FANCD2: variants seen among roughly 807,000 people sequenced by gnomAD.
The protein encoded by FANCD2 is Fanconi anemia group D2 protein.
FANCD2 carries 131 observed loss-of-function variants against 192.3 expected under a neutral mutation model. The observed-to-expected ratio is 0.68, with a 90% confidence interval of 0.59 to 0.79. The LOEUF is 0.79. FANCD2 is among the 30% of genes least tolerant of loss of function. The probability of loss-of-function intolerance (pLI) is 0.00; values close to 1 mark genes in which losing one functional copy is unlikely to be tolerated. For synonymous variants in FANCD2, 524 were observed against 612.5 expected (o/e 0.86, Z 2.13); for missense variants, 1,508 against 1,701.6 (o/e 0.89, Z 2.00).
intron 29 of FANCD2, 48 bp from the exon 30 acceptor site, chr3:10,078,033 G>A: frequency 7.8e-7 from 1 of 1,278,020 alleles, no homozygotes; most frequent in South Asian, 1.2e-5. Context: ...AAATTATCAT[G>A]AAATGACTAG....
At chr3:10,042,490 T>G (rs774919370) in intron 10 of FANCD2, 69 bp from the exon 11 acceptor site, 2 of 1,206,468 alleles carry the variant, frequency 1.7e-6, no homozygotes, top group Non-Finnish European at 2.5e-6. Flanking sequence ...TAATTTTATC[T>G]AACAGTTCAG....
intron 42 of FANCD2, among the ~76,000 whole-genome samples, chr3:10,096,831 A>AT (rs966722004): frequency 1.3e-5 from 2 of 151,948 alleles, no homozygotes; most frequent in Admixed American, 6.6e-5. Flanking sequence ...TTCTTTTGTT[A>AT]TTTTTTTTCC....
At chr3:10,081,516 G>A (rs1176543357) in intron 32 of FANCD2, 52 bp downstream of exon 32, 2 of 1,214,222 alleles carry the variant, frequency 1.6e-6, no homozygotes, top group Non-Finnish European at 2.5e-6. Context: ...GCTTTTATTT[G>A]ACAGTCACCA....
intron 9 of FANCD2, 167 bp downstream of exon 9, chr3:10,040,012 T>A: frequency 1.5e-6 from 1 of 685,060 alleles, no homozygotes; most frequent in Non-Finnish European, 2.4e-6. Flanking sequence ...AGGTATATAT[T>A]TGAATAGATC....
Position 10,098,824 on chromosome 3 carries a change from A to G in FANCD2, c.4281+9A>G, listed in dbSNP as rs1402751853. 8 of 1,614,072 alleles carry G rather than the reference A, an allele frequency of 5.0e-6. No individual in the cohort carries two copies. The South Asian group carries it at 5.5e-5, about 11-fold the overall frequency. On this transcript the variant is annotated intron_variant, in intron 43 of 43. Coordinates refer to ENST00000675286, the MANE Select transcript of FANCD2 (RefSeq NM_001018115.3). ...AGAGCAAAGCCACTGAGGTATCTCTACAAAACCCACCAGAGTCTGGCACTG... is the reference window on the plus strand; with the variant it reads ...AGAGCAAAGCCACTGAGGTATCTCTGCAAAACCCACCAGAGTCTGGCACTG...
intron 18 of FANCD2, among the ~76,000 whole-genome samples, chr3:10,054,473 ATTTTTTTTTT>A (rs55719769): frequency 2.4e-4 from 2 of 8,392 alleles, no homozygotes; most frequent in African/African-American, 7.0e-4. Flanking sequence ...ATATATATAT[ATTTTTTTTTT>A]TTTTTTTTTT....
chr3:10,078,079 A>G lies in FANCD2; in HGVS notation c.2860-2A>G. 2 of 1,591,882 alleles carry G rather than the reference A, an allele frequency of 1.3e-6. No homozygotes were observed. Among genetic ancestry groups the G allele is most frequent in the Non-Finnish European group, 1.7e-6 (2 of 1,159,986 alleles). On this transcript the variant is annotated splice_acceptor_variant, in intron 29 of 43. Coordinates refer to ENST00000675286, the MANE Select transcript of FANCD2 (RefSeq NM_001018115.3). LOFTEE classifies it high-confidence loss of function. ...GAACTAATCCTTTCCTCCATGTGACAGGCTACAGAAGTTGTGCAACTTGGG... is the reference window on the plus strand; with the variant it reads ...GAACTAATCCTTTCCTCCATGTGACGGGCTACAGAAGTTGTGCAACTTGGG...
chr3:10,080,847 A>G (rs769171665), intron 30 of FANCD2, among the ~76,000 whole-genome samples: 1 of 152,172 alleles, frequency 6.6e-6, no homozygotes, highest in Non-Finnish European at 1.5e-5. Flanking sequence ...TGTGACCTTT[A>G]TCTGATTAGT....
intron 28 of FANCD2, among the ~76,000 whole-genome samples, chr3:10,073,728 G>T (rs1027464483): frequency 2.0e-5 from 3 of 152,114 alleles, no homozygotes; most frequent in Admixed American, 6.6e-5. Flanking sequence ...GGGCCACATG[G>T]ATCCCAATTA....
rs756202265 is a variant in FANCD2, at chr3:10,087,220, T to C, written c.3422T>C (p.Ile1141Thr). The C allele has an allele frequency of 1.9e-6, 3 of 1,613,774 alleles. No individual in the cohort carries two copies. Among genetic ancestry groups the C allele is most frequent in the African/African-American group, 2.7e-5 (2 of 74,888 alleles). The change falls in exon 34 of 44, where the codon ATT (isoleucine) becomes ACT (threonine). Residue 1141 changes from isoleucine (I) to threonine (T), a missense_variant. By Grantham distance (89) the Ile-to-Thr change is moderately conservative. This residue lies in a region of FANCD2 where 796 missense variants were observed against 879.4 expected (regional missense o/e 0.91). Coordinates refer to ENST00000675286, the MANE Select transcript of FANCD2 (RefSeq NM_001018115.3). ...ALYLIRLLMV[I>T]LEKSTASAQN... Reference sequence around the variant, plus strand: ...TATCTCATCAGACTTTTGATGGTTATTTTGGAGAAATCAACAGCTTCTGCT... The same window carrying C: ...TATCTCATCAGACTTTTGATGGTTACTTTGGAGAAATCAACAGCTTCTGCT...
At chr3:10,081,297 ATGAGGACAATTAC>A in intron 31 of FANCD2, 36 bp from the exon 32 acceptor site, 1 of 1,612,200 alleles carries the variant, frequency 6.2e-7, no homozygotes, top group South Asian at 1.1e-5. Context: ...AAAAAGGAAA[ATGAGGACAATTAC>A]TGAAGCAACT....
chr3:10,094,162 TC>T, intron 39 of FANCD2, 126 bp from the exon 40 acceptor site: 1 of 731,512 alleles, frequency 1.4e-6, no homozygotes, highest in South Asian at 1.6e-5. Flanking sequence ...TTTGGACCCT[TC>T]CCAATTTGTT....
At chr3:10,080,976 A>G (rs955718703) in intron 30 of FANCD2, 124 bp from the exon 31 acceptor site, 1 of 1,023,764 alleles carries the variant, frequency 9.8e-7, no homozygotes, top group Non-Finnish European at 1.5e-6. Context: ...TCTTAGGTTA[A>G]CAACTCATTT....
chr3:10,054,471 ATATTTTTTTTTTTTT>A (rs1455798506), intron 18 of FANCD2, among the ~76,000 whole-genome samples: 3 of 16,666 alleles, frequency 1.8e-4, no homozygotes, highest in African/African-American at 3.2e-4. Flanking sequence ...ATATATATAT[ATATTTTTTTTTTTTT>A]TTTTTTTTTT....
At chr3:10,036,454 C>T (rs1235365556) in intron 7 of FANCD2, 115 bp downstream of exon 7, 4 of 767,028 alleles carry the variant, frequency 5.2e-6, no homozygotes, top group Non-Finnish European at 8.8e-6. Context: ...CATTATATTT[C>T]TTAAGTGACT....
intron 16 of FANCD2, among the ~76,000 whole-genome samples, chr3:10,048,389 C>T (rs1221323231): frequency 6.6e-6 from 1 of 151,016 alleles, no homozygotes; most frequent in African/African-American, 2.4e-5. Context: ...CTGCAACCTT[C>T]ACCTCCTGGG....
At chr3:10,080,029 C>G (rs1325452018) in intron 30 of FANCD2, among the ~76,000 whole-genome samples, 2 of 151,598 alleles carry the variant, frequency 1.3e-5, no homozygotes, top group Non-Finnish European at 2.9e-5. Context: ...ATTCTCCTGC[C>G]TCAGCCTCCC....
At chr3:10,028,103 C>T (rs34909440) in intron 1 of FANCD2, among the ~76,000 whole-genome samples, 205 of 151,214 alleles carry the variant, frequency 1.4e-3, no homozygotes, top group Middle Eastern at 6.9e-3. Context: ...ATGGTCCTTG[C>T]TTCTCTTTAC....
intron 18 of FANCD2, among the ~76,000 whole-genome samples, chr3:10,056,354 A>G (rs1167036241): frequency 5.3e-5 from 8 of 152,108 alleles, no homozygotes; most frequent in Admixed American, 2.0e-4. Context: ...GAATTGCTGG[A>G]TCATATGATG....
Sources: gnomAD v4.1 joint callset for allele counts (sites outside exome capture counted in the v4.1 genomes callset) on GRCh38, gnomAD v4.1.1 for gene constraint, gnomAD v4.1.1 regional missense constraint, MANE v1.5 for transcripts, NCBI Gene and HGNC (gene_info 2026-07-23, HGNC 2026-07-21) for gene names.